The following SPATA13 variants were observed in gnomAD, a reference collection of about 807,000 sequenced individuals.
SPATA13 encodes spermatogenesis-associated protein 13.
In SPATA13, 50 loss-of-function variants were observed where a neutral mutation model predicts 104.0. That is an observed-to-expected ratio of 0.48 (90% confidence interval 0.38 to 0.61). SPATA13 has a LOEUF of 0.61. Among genes scored for constraint, SPATA13 ranks in the 20% least tolerant of loss-of-function variants. The pLI is 0.00. For synonymous variants in SPATA13, 606 were observed against 667.5 expected (o/e 0.91, Z 1.42); for missense variants, 1,524 against 1,690.6 (o/e 0.90, Z 1.73).
rs34371369 is a variant in SPATA13 at position 23,993,970 on chromosome 13, GTTT to G, written c.-147+10050_-147+10052del. Among the ~76,000 whole-genome samples, 751 of 134,568 alleles carry G rather than the reference GTTT, an allele frequency of 5.6e-3. 23 individuals are homozygous for G. In the East Asian group the frequency reaches 0.057, roughly 10 times the overall value. The allele number at this position is 134,568 out of a possible 152,430, so 88.3% of individuals were successfully genotyped here. On this transcript the variant is annotated intron_variant, in intron 2 of 14. Coordinates refer to the SPATA13 transcript ENST00000424834. Reference sequence around the variant, plus strand: ...GGAAGTGGTGGGTGATGGTGGTGGTGTTTTTTTTTTTTTTTCTTTTTTTTTTTT... The same window carrying G: ...GGAAGTGGTGGGTGATGGTGGTGGTGTTTTTTTTTTTTCTTTTTTTTTTTT...
At chr13:24,290,182 T>A (rs1593505312) in intron 8 of SPATA13, among the ~76,000 whole-genome samples, 1 of 152,112 alleles carries the variant, frequency 6.6e-6, no homozygotes, top group African/African-American at 2.4e-5. Context: ...CCAGCCAGGG[T>A]GACGGCAGAG....
At chr13:24,211,992 C>T (rs894320000) in intron 1 of SPATA13, among the ~76,000 whole-genome samples, 1 of 152,162 alleles carries the variant, frequency 6.6e-6, no homozygotes, top group Non-Finnish European at 1.5e-5. Flanking sequence ...GATGGCTGAA[C>T]CTCATCAGCT....
At chr13:24,159,124 C>T (rs1020478619), upstream of SPATA13, among the ~76,000 whole-genome samples, 1 of 50,886 alleles carries the variant, frequency 2.0e-5, no homozygotes, top group Non-Finnish European at 6.1e-5. Context: ...TCAATTTAGA[C>T]CGTGATATTT....
At position 24,306,227 on chromosome 13, in the gene SPATA13, G is replaced by A. The variant is rs528939942; in HGVS notation, c.*3454G>A. ...ATTCAAAATTTGGTTCACAATATAA[G>A]TATTTTGTAAAAGCCAGCTGAACCA... On this transcript the variant is annotated 3_prime_UTR_variant, in exon 13 of 13. Coordinates refer to ENST00000382108, the MANE Select transcript of SPATA13 (RefSeq NM_001166271.3). 7 of 152,300 alleles carry A rather than the reference G, an allele frequency of 4.6e-5. No homozygotes were observed. Among genetic ancestry groups the A allele is most frequent in the African/African-American group, 1.7e-4 (7 of 41,554 alleles). 9.4% of individuals were successfully genotyped at this position (152,300 alleles called of 1,614,324 possible).
chr13:24,027,249 C>T (rs902136742), intron 3 of SPATA13, among the ~76,000 whole-genome samples: 9 of 150,724 alleles, frequency 6.0e-5, no homozygotes, highest in African/African-American at 2.2e-4. Context: ...ATTCTCCTGC[C>T]TCAGCCTCCC....
Position 24,051,093 on chromosome 13 carries a change from C to T in SPATA13, c.-112+33392C>T, listed in dbSNP as rs1593299592. Among the ~76,000 whole-genome samples the T allele has an allele frequency of 6.6e-6, 1 of 152,176 alleles. No homozygotes were observed. Among genetic ancestry groups the T allele is most frequent in the East Asian group, 1.9e-4 (1 of 5,194 alleles). ...AGCACCTCTTTCCTTCTCCGGATTT[C>T]CCCCACCTTTTATGAATGTCACTGA... On this transcript the variant is annotated intron_variant, in intron 3 of 14. Transcript: ENST00000424834. The surrounding 1 kb of genome is among the most constrained non-coding windows in gnomAD (Gnocchi z 4.2).
At chr13:24,185,616 A>T (rs2138532249) in intron 1 of SPATA13, among the ~76,000 whole-genome samples, 1 of 152,338 alleles carries the variant, frequency 6.6e-6, no homozygotes, top group African/African-American at 2.4e-5. Context: ...TTAAGGAAAT[A>T]ATTGGTGTTA....
chr13:24,260,748 T>A (rs557617480), intron 4 of SPATA13, among the ~76,000 whole-genome samples: 1 of 152,308 alleles, frequency 6.6e-6, no homozygotes, highest in East Asian at 1.9e-4. Context: ...GTCTCTGGTT[T>A]TATTGCTCAA....
intron 11 of SPATA13, among the ~76,000 whole-genome samples, chr13:24,298,354 C>T (rs920672463): frequency 6.6e-6 from 1 of 152,180 alleles, no homozygotes; most frequent in Non-Finnish European, 1.5e-5. Flanking sequence ...CTCAGGATGC[C>T]GCATCGTCCA....
At chr13:24,154,076 T>C (rs553395587) in intron 3 of SPATA13, among the ~76,000 whole-genome samples, 1 of 152,244 alleles carries the variant, frequency 6.6e-6, no homozygotes, top group Non-Finnish European at 1.5e-5. Context: ...GGGGACCATG[T>C]AGAACTCTCT....
At chr13:24,173,227 G>T (rs1420834104) in intron 1 of SPATA13, among the ~76,000 whole-genome samples, 1 of 152,106 alleles carries the variant, frequency 6.6e-6, no homozygotes, top group Admixed American at 6.6e-5. Flanking sequence ...ATAGGCATGT[G>T]TCACCAGGCG....
At chr13:24,237,085 G>A (rs532638245) in intron 2 of SPATA13, among the ~76,000 whole-genome samples, 26 of 152,296 alleles carry the variant, frequency 1.7e-4, no homozygotes, top group South Asian at 2.1e-4. Context: ...CAGGCTGGGC[G>A]CAGGGCTCAC....
At chr13:23,992,899 G>A (rs979254926) in intron 2 of SPATA13, among the ~76,000 whole-genome samples, 2 of 152,130 alleles carry the variant, frequency 1.3e-5, no homozygotes, top group Non-Finnish European at 2.9e-5. Flanking sequence ...TGCCTGGCAC[G>A]GCAAGAGCTA....
At chr13:24,123,331 T>C in intron 3 of SPATA13, 1 of 1,398,018 alleles carries the variant, frequency 7.2e-7, no homozygotes, top group Admixed American at 1.7e-5. Context: ...TTCTGATCAC[T>C]TTCGAACTTC....
At chr13:24,017,789 GTA>G in intron 3 of SPATA13, 1 of 750,368 alleles carries the variant, frequency 1.3e-6, no homozygotes, top group Admixed American at 6.3e-5. Context: ...TGTATAATCT[GTA>G]TGTTAACTCC....
intron 4 of SPATA13, chr13:24,252,839 G>A (rs560449055): frequency 2.0e-5 from 3 of 152,244 alleles, no homozygotes; most frequent in Non-Finnish European, 2.9e-5. Context: ...TGGCATCCAG[G>A]CTCACTCCTG....
intron 3 of SPATA13, among the ~76,000 whole-genome samples, chr13:24,135,908 T>C (rs1307561774): frequency 6.6e-6 from 1 of 152,118 alleles, no homozygotes; most frequent in Non-Finnish European, 1.5e-5. Context: ...TCACAAAAGT[T>C]TGCAAATTCA....
At chr13:24,264,904 A>G (rs1874223184) in intron 4 of SPATA13, among the ~76,000 whole-genome samples, 2 of 152,176 alleles carry the variant, frequency 1.3e-5, no homozygotes, top group Non-Finnish European at 2.9e-5. Flanking sequence ...GGTCCAAAGT[A>G]TCTTGTTTGG....
At chr13:24,149,005 G>A (rs540817468) in intron 3 of SPATA13, among the ~76,000 whole-genome samples, 2 of 152,322 alleles carry the variant, frequency 1.3e-5, no homozygotes, top group Middle Eastern at 3.4e-3. Flanking sequence ...TTGGAGGAAT[G>A]TAGGCTCCGT....
Sources: allele counts gnomAD v4.1 joint callset (sites outside exome capture counted in the v4.1 genomes callset), GRCh38; gene constraint gnomAD v4.1.1; non-coding constraint Gnocchi (gnomAD v3.1); transcripts MANE v1.5; gene names NCBI Gene and HGNC (gene_info 2026-07-23, HGNC 2026-07-21).